ANKS1B: variants seen among roughly 807,000 people sequenced by gnomAD.
The protein encoded by ANKS1B is ankyrin repeat and sterile alpha motif domain-containing protein 1B.
A neutral mutation model predicts 148.3 loss-of-function variants in ANKS1B; 36 were observed. The ratio of observed to expected loss-of-function variants is 0.24; its 90% CI spans 0.19 to 0.32. The LOEUF (loss-of-function observed/expected upper bound fraction) is 0.32. ANKS1B is among the 10% of genes least tolerant of loss of function. The pLI is 1.00. For synonymous variants in ANKS1B, 542 were observed against 560.8 expected (o/e 0.97, Z 0.47); for missense variants, 1,157 against 1,542.6 (o/e 0.75, Z 4.19).
At chr12:99,826,986 G>T (rs1007324629) in intron 1 of ANKS1B, among the ~76,000 whole-genome samples, 2 of 152,004 alleles carry the variant, frequency 1.3e-5, no homozygotes, top group African/African-American at 4.8e-5. Context: ...AGGTGCGGTG[G>T]TGCACACTTG....
At chr12:99,624,970 C>G (rs902289711) in intron 9 of ANKS1B, among the ~76,000 whole-genome samples, 1 of 152,024 alleles carries the variant, frequency 6.6e-6, no homozygotes. Context: ...GCACTATTCA[C>G]AACACTGAAA....
chr12:99,432,408 T>A (rs1227128431), intron 11 of ANKS1B, among the ~76,000 whole-genome samples: 2 of 152,188 alleles, frequency 1.3e-5, no homozygotes, highest in African/African-American at 4.8e-5. Context: ...GACAGCCAGT[T>A]GTGAACCAGG....
intron 10 of ANKS1B, among the ~76,000 whole-genome samples, chr12:99,473,115 T>C (rs1266843136): frequency 6.6e-6 from 1 of 152,058 alleles, no homozygotes; most frequent in Non-Finnish European, 1.5e-5. Context: ...GAAGTTGGTA[T>C]GTATTATCCG....
intron 12 of ANKS1B, among the ~76,000 whole-genome samples, chr12:99,271,662 CTATA>C (rs59207203): frequency 0.013 from 1,262 of 94,200 alleles, 64 homozygotes; most frequent in African/African-American, 0.05. Context: ...AGTCAATAAA[CTATA>C]TATATATATA....
chr12:99,912,494 GGCAC>G (rs1352064326), intron 1 of ANKS1B, among the ~76,000 whole-genome samples: 3 of 152,044 alleles, frequency 2.0e-5, no homozygotes, highest in Non-Finnish European at 4.4e-5. Flanking sequence ...TGGGATTACA[GGCAC>G]ACACCACCAC....
rs933836271 is a variant in ANKS1B at position 99,192,075 on chromosome 12, T to C, written c.2420-37680A>G. ...TGAATCCGAGAGGTGGAGGCTGCAG[T>C]GAGCCGAGATTGTGCCACTGCACTC... On this transcript the variant is annotated intron_variant, in intron 14 of 26. Coordinates refer to ENST00000683438, the MANE Select transcript of ANKS1B (RefSeq NM_001352186.2). 8.5e-5 allele frequency among the ~76,000 whole-genome samples: 11 copies of C among 129,132 alleles called. No individual in the cohort carries two copies. In the Admixed American group the frequency reaches 9.5e-4, roughly 11 times the overall value. 84.7% of individuals were successfully genotyped at this position (129,132 alleles called of 152,430 possible).
chr12:99,510,921 G>T (rs2096759209), intron 9 of ANKS1B, among the ~76,000 whole-genome samples: 1 of 151,910 alleles, frequency 6.6e-6, no homozygotes, highest in African/African-American at 2.4e-5. Flanking sequence ...AGAAGCTTTT[G>T]GGCTGAGATG....
chr12:99,154,218 T>G, intron 15 of ANKS1B, 71 bp downstream of exon 15: 1 of 1,579,838 alleles, frequency 6.3e-7, no homozygotes, highest in Non-Finnish European at 8.6e-7. Flanking sequence ...AGGCTGCCTC[T>G]GAGCCATGTA....
intron 9 of ANKS1B, among the ~76,000 whole-genome samples, chr12:99,519,819 T>A (rs1567259891): frequency 6.6e-6 from 1 of 152,160 alleles, no homozygotes; most frequent in South Asian, 2.1e-4. Context: ...ATTTTTTGTA[T>A]ATCCATTGTA....
At chr12:99,604,477 G>C (rs1204207892) in intron 9 of ANKS1B, among the ~76,000 whole-genome samples, 1 of 151,958 alleles carries the variant, frequency 6.6e-6, no homozygotes, top group Admixed American at 6.6e-5. Context: ...AAAACACTTG[G>C]TTAAATATTA....
At chr12:99,866,876 C>A (rs1362870685) in intron 1 of ANKS1B, among the ~76,000 whole-genome samples, 1 of 152,124 alleles carries the variant, frequency 6.6e-6, no homozygotes, top group Non-Finnish European at 1.5e-5. Context: ...AGGCCATTAT[C>A]CTTGATTCCA....
intron 9 of ANKS1B, among the ~76,000 whole-genome samples, chr12:99,529,057 G>T (rs938303618): frequency 2.6e-5 from 4 of 152,168 alleles, no homozygotes; most frequent in Non-Finnish European, 5.9e-5. Flanking sequence ...CTACTGTGTA[G>T]AAATTTGCAT....
rs111643031 is a variant in ANKS1B at position 99,080,361 on chromosome 12, G to A, written c.2625+4564C>T. 5.4e-3 allele frequency among the ~76,000 whole-genome samples: 816 copies of A among 152,324 alleles called. 7 individuals are homozygous for A. The highest frequency in any genetic ancestry group is 0.019 in the African/African-American group (781 of 41,586). On this transcript the variant is annotated intron_variant, in intron 16 of 26. Coordinates refer to ENST00000683438, the MANE Select transcript of ANKS1B (RefSeq NM_001352186.2). ...GCACTGGTTGTAGGAGGTCGCAGCA[G>A]AGAAACAACTCAAGCCCTTGAGGGA...
Position 98,744,145 on chromosome 12 carries a change from T to C in ANKS1B, c.*1594A>G, listed in dbSNP as rs1041511661. The stretch of plus-strand genomic sequence containing the variant: ...ACAATTGCCTCCTGGTACCATATTT[T>C]AGTGTTATTTAACTCTCATTTTGCT... On this transcript the variant is annotated 3_prime_UTR_variant, in exon 27 of 27. Coordinates refer to ENST00000683438, the MANE Select transcript of ANKS1B (RefSeq NM_001352186.2). 1.0e-6 allele frequency: 1 copy of C among 985,782 alleles called. No individual in the cohort carries two copies. The highest frequency in any genetic ancestry group is 1.2e-6 in the Non-Finnish European group (1 of 829,834). 61.1% of individuals were successfully genotyped at this position (985,782 alleles called of 1,614,324 possible).
chr12:99,319,720 T>A (rs1301915806), intron 12 of ANKS1B, among the ~76,000 whole-genome samples: 1 of 152,204 alleles, frequency 6.6e-6, no homozygotes, highest in African/African-American at 2.4e-5. Context: ...CATGTCACTA[T>A]GATGTTAGCT....
At chr12:99,521,017 A>T (rs1387474119) in intron 9 of ANKS1B, among the ~76,000 whole-genome samples, 1 of 151,936 alleles carries the variant, frequency 6.6e-6, no homozygotes, top group Admixed American at 6.6e-5. Context: ...CTGGTCTCGA[A>T]CTCCCAACCT....
intron 11 of ANKS1B, among the ~76,000 whole-genome samples, chr12:99,435,377 G>T (rs1040815682): frequency 6.6e-6 from 1 of 152,006 alleles, no homozygotes; most frequent in Non-Finnish European, 1.5e-5. Flanking sequence ...TCTTAAGTAG[G>T]TTCCAATGAT....
chr12:98,974,940 T>C lies in ANKS1B; in HGVS notation c.2778+78217A>G, dbSNP rs1169163638. ...TTTCTTCTTCCCTTTCCTCCTTCTT[T>C]CCTTCCTTCATTTCTTCCTTCTTTC... On this transcript the variant is annotated intron_variant, in intron 17 of 26. Coordinates refer to ENST00000683438, the MANE Select transcript of ANKS1B (RefSeq NM_001352186.2). Among the ~76,000 whole-genome samples, 16 of 147,626 alleles carry C rather than the reference T, an allele frequency of 1.1e-4. No individual in the cohort carries two copies. The East Asian group carries it at 3.3e-3, about 30-fold the overall frequency.
chr12:99,884,898 T>G (rs907960422), intron 1 of ANKS1B, among the ~76,000 whole-genome samples: 2 of 151,998 alleles, frequency 1.3e-5, no homozygotes, highest in Non-Finnish European at 2.9e-5. Context: ...CATTTTAACG[T>G]TTTTAAATTT....
Sources: gnomAD v4.1 joint callset for allele counts (sites outside exome capture counted in the v4.1 genomes callset) on GRCh38, gnomAD v4.1.1 for gene constraint, MANE v1.5 for transcripts, NCBI Gene and HGNC (gene_info 2026-07-23, HGNC 2026-07-21) for gene names.